Variants in DMD observed in about 807,000 individuals in gnomAD.
DMD encodes the protein mutant dystrophin.
DMD carries 63 observed loss-of-function variants against 330.1 expected under a neutral mutation model. The ratio of observed to expected loss-of-function variants is 0.19; its 90% confidence interval spans 0.16 to 0.24. The LOEUF (loss-of-function observed/expected upper bound fraction) is 0.24. DMD is among the 10% of genes least tolerant of loss of function. The probability of loss-of-function intolerance (pLI) is 1.00; values close to 1 mark genes in which losing one functional copy is unlikely to be tolerated. For missense variants in DMD, 3,344 were observed against 2,684.1 expected, an observed-to-expected ratio of 1.25 and a Z score of -5.43; for synonymous variants, 1,223 against 959.8, an observed-to-expected ratio of 1.27 and a Z score of -5.07.
At chrX:32,151,351 G>A (rs2096802559) in intron 44 of DMD, 1 of 111,331 alleles carries the variant, frequency 9.0e-6, no homozygotes, top group Admixed American at 9.6e-5. Context: ...CAGTTCTCTA[G>A]TTATATACTT....
intron 1 of DMD, among the ~76,000 whole-genome samples, chrX:33,198,899 G>A (rs776377359): frequency 9.1e-6 from 1 of 109,689 alleles, no homozygotes; most frequent in African/African-American, 3.3e-5. Context: ...GGTAAAAAAG[G>A]GGAAACGGGG....
chrX:32,510,989 T>C (rs1245854185), intron 18 of DMD, among the ~76,000 whole-genome samples: 1 of 110,060 alleles, frequency 9.1e-6, no homozygotes, highest in Non-Finnish European at 1.9e-5. Context: ...TGTGTGTGTA[T>C]GTACATATAT....
intron 2 of DMD, among the ~76,000 whole-genome samples, chrX:32,957,226 T>C (rs907266145): frequency 9.0e-6 from 1 of 111,724 alleles, no homozygotes; most frequent in Non-Finnish European, 1.9e-5. Flanking sequence ...AAAGTCATCG[T>C]AAACTCTTGT....
intron 47 of DMD, among the ~76,000 whole-genome samples, chrX:31,885,719 C>A (rs2094146063): frequency 9.2e-6 from 1 of 108,847 alleles, no homozygotes; most frequent in Admixed American, 9.9e-5. Context: ...ACAATCTATA[C>A]CCTTAATACT....
At chrX:31,441,440 G>A (rs951810516) in intron 60 of DMD, among the ~76,000 whole-genome samples, 3 of 111,795 alleles carry the variant, frequency 2.7e-5, no homozygotes, top group East Asian at 2.8e-4. Context: ...CAAGTGATCC[G>A]CCTGCCTCGG....
chrX:33,205,479 TTAGCTCAGGC>T (rs2051511684), intron 1 of DMD, among the ~76,000 whole-genome samples: 1 of 112,273 alleles, frequency 8.9e-6, no homozygotes, highest in African/African-American at 3.2e-5. Flanking sequence ...AAGTCAGCAC[TTAGCTCAGGC>T]TAAGGTACTA....
intron 2 of DMD, among the ~76,000 whole-genome samples, chrX:32,975,296 T>C (rs1052702851): frequency 9.5e-6 from 1 of 104,792 alleles, no homozygotes; most frequent in African/African-American, 3.5e-5. Context: ...AAAAGCATAG[T>C]AACCAAAAAA....
intron 62 of DMD, among the ~76,000 whole-genome samples, chrX:31,263,623 T>C (rs938435333): frequency 8.9e-6 from 1 of 111,890 alleles, no homozygotes; most frequent in Non-Finnish European, 1.9e-5. Context: ...TCTGGGGGAC[T>C]TGAATAACAT....
intron 7 of DMD, among the ~76,000 whole-genome samples, chrX:32,777,070 T>G (rs1182359480): frequency 9.2e-6 from 1 of 108,413 alleles, no homozygotes; most frequent in African/African-American, 3.4e-5. Flanking sequence ...CTTTTTTTTT[T>G]GTTTTTACAG....
At chrX:31,144,652 T>C (rs751139304) in intron 76 of DMD, among the ~76,000 whole-genome samples, 2 of 111,339 alleles carry the variant, frequency 1.8e-5, no homozygotes, top group East Asian at 5.7e-4. Context: ...GCAATAGAGC[T>C]GTAAGTGTAT....
At chrX:31,222,210 C>CA (rs2046142846) in intron 64 of DMD, among the ~76,000 whole-genome samples, 2 of 101,219 alleles carry the variant, frequency 2.0e-5, no homozygotes, top group African/African-American at 7.3e-5. Context: ...AAAAACAAAA[C>CA]AAACAAACAA....
intron 44 of DMD, among the ~76,000 whole-genome samples, chrX:32,023,811 C>A (rs2095825050): frequency 8.9e-6 from 1 of 111,754 alleles, no homozygotes; most frequent in African/African-American, 3.3e-5. Flanking sequence ...TTGGAGGCCA[C>A]TATCCTAAGC....
At chrX:31,384,837 G>A in intron 60 of DMD, among the ~76,000 whole-genome samples, 1 of 111,644 alleles carries the variant, frequency 9.0e-6, no homozygotes, top group African/African-American at 3.3e-5. Context: ...AATGATTATG[G>A]GCCCACTTTT....
intron 62 of DMD, among the ~76,000 whole-genome samples, chrX:31,272,286 G>A (rs946786697): frequency 1.2e-4 from 14 of 112,097 alleles, no homozygotes; most frequent in Non-Finnish European, 5.6e-5. Context: ...ACAGGCCGAC[G>A]GTTGCTTCAT....
At chrX:32,549,758 G>C (rs2049336506) in intron 16 of DMD, among the ~76,000 whole-genome samples, 1 of 111,291 alleles carries the variant, frequency 9.0e-6, no homozygotes, top group African/African-American at 3.3e-5. Flanking sequence ...CAGTAAGATT[G>C]TGTTATTTTG....
At chrX:33,182,729 C>T (rs1323978503) in intron 1 of DMD, among the ~76,000 whole-genome samples, 1 of 112,321 alleles carries the variant, frequency 8.9e-6, no homozygotes, top group Non-Finnish European at 1.9e-5. Context: ...ATCAGTTCTA[C>T]CCTAGTATAT....
intron 6 of DMD, among the ~76,000 whole-genome samples, chrX:32,811,736 C>T (rs1386240569): frequency 2.7e-5 from 3 of 111,913 alleles, no homozygotes; most frequent in Non-Finnish European, 5.6e-5. Context: ...ATTAATTAAA[C>T]TCTAAATGTG....
At chrX:32,924,082 T>A (rs1181105452) in intron 2 of DMD, among the ~76,000 whole-genome samples, 1 of 111,586 alleles carries the variant, frequency 9.0e-6, no homozygotes, top group African/African-American at 3.3e-5. Flanking sequence ...ATTAAAGAAG[T>A]CCTTGCTTTC....
intron 44 of DMD, among the ~76,000 whole-genome samples, chrX:32,113,301 T>G (rs772253487): frequency 7.0e-4 from 79 of 112,399 alleles, no homozygotes; most frequent in African/African-American, 2.3e-3. Context: ...ATAGCTATAA[T>G]AAAATACGTG....
Sources: allele counts gnomAD v4.1 joint callset (sites outside exome capture counted in the v4.1 genomes callset), GRCh38; gene constraint gnomAD v4.1.1; transcripts MANE v1.5; gene names NCBI Gene and HGNC (gene_info 2026-07-23, HGNC 2026-07-21).